The following EGFR variants were observed in gnomAD, a reference collection of about 807,000 sequenced individuals.
EGFR encodes epidermal growth factor receptor.
EGFR carries 58 observed loss-of-function variants against 143.0 expected under a neutral mutation model. That is an observed-to-expected ratio of 0.41 (90% CI 0.33 to 0.50). The LOEUF is 0.50. Among genes scored for constraint, EGFR ranks in the 20% least tolerant of loss-of-function variants. The pLI is 0.39. For synonymous variants in EGFR, 613 were observed against 594.4 expected, an observed-to-expected ratio of 1.03 and a Z score of -0.45; for missense variants, 1,307 against 1,579.0, an observed-to-expected ratio of 0.83 and a Z score of 2.92.
At chr7:55,141,883 G>A (rs1220129319) in intron 1 of EGFR, among the ~76,000 whole-genome samples, 1 of 152,058 alleles carries the variant, frequency 6.6e-6, no homozygotes, top group Non-Finnish European at 1.5e-5. Flanking sequence ...TTGCCTACTG[G>A]AGCTCTTACA....
At chr7:55,036,584 G>A (rs1041634069) in intron 1 of EGFR, among the ~76,000 whole-genome samples, 13 of 152,150 alleles carry the variant, frequency 8.5e-5, no homozygotes, top group African/African-American at 1.2e-4. Context: ...AACCTACAGA[G>A]GAGGCTAAGA....
intron 19 of EGFR, among the ~76,000 whole-genome samples, chr7:55,177,859 C>T (rs1312702099): frequency 1.3e-5 from 2 of 152,218 alleles, no homozygotes; most frequent in Non-Finnish European, 2.9e-5. Context: ...GGTCACGGTG[C>T]ACGTTTACTA....
intron 1 of EGFR, among the ~76,000 whole-genome samples, chr7:55,023,549 G>T (rs1786698110): frequency 6.6e-6 from 1 of 151,020 alleles, no homozygotes; most frequent in African/African-American, 2.4e-5. Context: ...TACTCAGGAG[G>T]CTGAGGCAGG....
At position 55,160,212 on chromosome 7, in the gene EGFR, G is replaced by A. The variant is rs2128941462; in HGVS notation, c.1372G>A (p.Asp458Asn). The A allele has an allele frequency of 6.2e-7, 1 of 1,614,166 alleles. No homozygotes were observed. The highest frequency in any genetic ancestry group is 8.5e-7 in the Non-Finnish European group (1 of 1,180,034). The change falls in exon 12 of 28, where the codon GAT (aspartate) becomes AAT (asparagine). Residue 458 changes from aspartate to asparagine, a missense_variant. Transcript: ENST00000275493. ...LGLRSLKEIS[D>N]GDVIISGNKN... ...ATTACGCTCCCTCAAGGAGATAAGT[G>A]ATGGAGATGTGATAATTTCAGGAAA...
intron 1 of EGFR, among the ~76,000 whole-genome samples, chr7:55,040,290 C>G (rs1456697294): frequency 6.6e-6 from 1 of 152,136 alleles, no homozygotes; most frequent in African/African-American, 2.4e-5. Context: ...TGCAGAATGA[C>G]AGTATTCATA....
rs2128975867 is a variant in EGFR at position 55,205,722 on chromosome 7, G to A, written c.*105G>A. The A allele has an allele frequency of 2.5e-6, 4 of 1,585,350 alleles. No individual in the cohort carries two copies. The highest frequency in any genetic ancestry group is 3.5e-6 in the Non-Finnish European group (4 of 1,159,118). ...ACAGCCATGCCCGCATTAGCTCTTA[G>A]ACCCACAGACTGGTTTTGCAACGTT... On this transcript the variant is annotated 3_prime_UTR_variant, in exon 28 of 28. Transcript: ENST00000275493.
intron 1 of EGFR, among the ~76,000 whole-genome samples, chr7:55,045,675 C>T (rs570401650): frequency 3.9e-5 from 6 of 152,272 alleles, no homozygotes; most frequent in African/African-American, 1.2e-4. Flanking sequence ...ATGATGGCAC[C>T]TAAAGCTGTT....
At chr7:55,028,001 T>A (rs1472574895) in intron 1 of EGFR, among the ~76,000 whole-genome samples, 70 of 112,108 alleles carry the variant, frequency 6.2e-4, no homozygotes, top group African/African-American at 2.9e-3. Flanking sequence ...AATATATATA[T>A]ATATATATAT....
chr7:55,103,640 T>A (rs1005060816), intron 1 of EGFR, among the ~76,000 whole-genome samples: 4 of 152,356 alleles, frequency 2.6e-5, no homozygotes, highest in African/African-American at 9.6e-5. Flanking sequence ...TAGTTAAATC[T>A]AACCAAAGAA....
At chr7:55,104,610 C>T (rs1389940757) in intron 1 of EGFR, among the ~76,000 whole-genome samples, 2 of 152,128 alleles carry the variant, frequency 1.3e-5, no homozygotes, top group African/African-American at 2.4e-5. Context: ...TGATGAGGAG[C>T]GATTTATGTT....
chr7:55,201,602 A>G (rs2128972260), intron 25 of EGFR, 133 bp from the exon 26 acceptor site: 1 of 1,286,348 alleles, frequency 7.8e-7, no homozygotes, highest in South Asian at 1.2e-5. Flanking sequence ...TAGTTGCTCT[A>G]AAACTAACGA....
intron 14 of EGFR, among the ~76,000 whole-genome samples, chr7:55,164,921 A>G (rs951766921): frequency 3.0e-4 from 46 of 152,316 alleles, no homozygotes; most frequent in African/African-American, 1.1e-3. Flanking sequence ...TTTAACTTCA[A>G]CTATAATATG....
intron 1 of EGFR, among the ~76,000 whole-genome samples, chr7:55,085,442 A>AC (rs1297722060): frequency 2.6e-5 from 4 of 152,238 alleles, no homozygotes; most frequent in Non-Finnish European, 5.9e-5. Context: ...TGGGCGTCAG[A>AC]CCCCAGGTCC....
chr7:55,126,427 A>T (rs1225469167), intron 1 of EGFR, among the ~76,000 whole-genome samples: 3 of 152,254 alleles, frequency 2.0e-5, no homozygotes, highest in African/African-American at 4.8e-5. Context: ...CGAGGGAGGC[A>T]TTCTTCTACT....
At chr7:55,024,893 C>A (rs1200853189) in intron 1 of EGFR, among the ~76,000 whole-genome samples, 2 of 152,188 alleles carry the variant, frequency 1.3e-5, no homozygotes, top group African/African-American at 4.8e-5. Context: ...TGAGTTCAGT[C>A]TTTGCCTTTA....
chr7:55,153,996 C>T lies in EGFR; in HGVS notation c.748-15C>T, dbSNP rs1257467836. The T allele has an allele frequency of 6.2e-7, 1 of 1,614,176 alleles. No homozygotes were observed. Among genetic ancestry groups the T allele is most frequent in the Non-Finnish European group, 8.5e-7 (1 of 1,180,044 alleles). On this transcript the variant is annotated splice_polypyrimidine_tract_variant and intron_variant, in intron 6 of 27. Coordinates refer to ENST00000275493, the MANE Select transcript of EGFR (RefSeq NM_005228.5). ...ACTTACCTCACTTGCCCAGCGTGTC[C>T]TCTCTCCTCCATAGGTCTGCCGCAA...
In EGFR at chr7:55,210,890, C is replaced by T. The variant is rs768180042; in HGVS notation, c.*5273C>T. The stretch of plus-strand genomic sequence containing the variant: ...CTTTATTTCCCACAGTGAAAGAAAA[C>T]GCTGGCCTATCAGTTACATTACAAA... On this transcript the variant is annotated 3_prime_UTR_variant, in exon 28 of 28. Transcript: ENST00000275493. 44 of 152,180 alleles carry T rather than the reference C, an allele frequency of 2.9e-4. No homozygotes were observed. The highest frequency in any genetic ancestry group is 5.7e-4 in the Non-Finnish European group (39 of 68,032). 9.4% of individuals were successfully genotyped at this position (152,180 alleles called of 1,614,324 possible). A position where few individuals can be genotyped will look rare whatever the true frequency, so the allele number is the denominator to read the frequency against.
At chr7:55,163,916 G>A in intron 14 of EGFR, 93 bp downstream of exon 14, 2 of 1,417,714 alleles carry the variant, frequency 1.4e-6, no homozygotes, top group Non-Finnish European at 2.0e-6. Context: ...TCCTGTGTGG[G>A]CAGGACGGCC....
intron 1 of EGFR, among the ~76,000 whole-genome samples, chr7:55,063,402 G>A (rs933702838): frequency 1.3e-5 from 2 of 152,154 alleles, no homozygotes; most frequent in Non-Finnish European, 2.9e-5. Context: ...AAACGATGTG[G>A]AATTCTCTGG....
Sources: allele counts gnomAD v4.1 joint callset (sites outside exome capture counted in the v4.1 genomes callset), GRCh38; gene constraint gnomAD v4.1.1; transcripts MANE v1.5; gene names NCBI Gene and HGNC (gene_info 2026-07-23, HGNC 2026-07-21).